CACNA1E: variants seen among roughly 807,000 people sequenced by gnomAD.
CACNA1E encodes voltage-dependent R-type calcium channel subunit alpha-1E.
A neutral mutation model predicts 259.2 loss-of-function variants in CACNA1E; 40 were observed. The observed-to-expected ratio is 0.15, with a 90% CI of 0.12 to 0.20. The LOEUF (loss-of-function observed/expected upper bound fraction) is 0.20, where lower values mean the gene tolerates loss of function less well. Ranked by LOEUF, CACNA1E falls within the 10% of genes least tolerant of loss-of-function variation. CACNA1E has a pLI of 1.00. For synonymous variants in CACNA1E, 1,104 were observed against 1,138.5 expected, an observed-to-expected ratio of 0.97 and a Z score of 0.61; for missense variants, 1,874 against 3,040.1, an observed-to-expected ratio of 0.62 and a Z score of 9.02.
intron 7 of CACNA1E, among the ~76,000 whole-genome samples, chr1:181,671,706 T>A (rs902840277): frequency 6.6e-6 from 1 of 152,182 alleles, no homozygotes; most frequent in Non-Finnish European, 1.5e-5. Context: ...TCTGAAGATG[T>A]GATTTACCAA....
At chr1:181,770,038 G>GA (rs1285931526) in intron 35 of CACNA1E, among the ~76,000 whole-genome samples, 1 of 152,134 alleles carries the variant, frequency 6.6e-6, no homozygotes, top group Non-Finnish European at 1.5e-5. Context: ...TTTGGGTTTT[G>GA]AAAAACAGCA....
At chr1:181,341,642 C>A (rs1426978062) in intron 1 of CACNA1E, among the ~76,000 whole-genome samples, 1 of 152,142 alleles carries the variant, frequency 6.6e-6, no homozygotes, top group Non-Finnish European at 1.5e-5. Context: ...AACATGAAAC[C>A]CTTGGCCTAG....
intron 7 of CACNA1E, among the ~76,000 whole-genome samples, chr1:181,692,167 G>A (rs1040041743): frequency 1.3e-5 from 2 of 152,088 alleles, no homozygotes; most frequent in Non-Finnish European, 1.5e-5. Flanking sequence ...AATCATAGAT[G>A]ACACAAAAAA....
intron 3 of CACNA1E, among the ~76,000 whole-genome samples, chr1:181,561,369 A>G (rs1340351680): frequency 6.6e-6 from 1 of 152,332 alleles, no homozygotes; most frequent in East Asian, 1.9e-4. Context: ...TGACAAATGT[A>G]TATAGTTGGC....
intron 38 of CACNA1E, among the ~76,000 whole-genome samples, chr1:181,779,704 T>TAAAG (rs1660253527): frequency 6.6e-6 from 1 of 152,078 alleles, no homozygotes; most frequent in Admixed American, 6.5e-5. Flanking sequence ...AGCTGTTACA[T>TAAAG]AAAGATAAGG....
At chr1:181,625,446 C>A (rs1656113138) in intron 6 of CACNA1E, among the ~76,000 whole-genome samples, 1 of 152,162 alleles carries the variant, frequency 6.6e-6, no homozygotes, top group Admixed American at 6.5e-5. Context: ...TTATCTTAAT[C>A]TTCTGGAAAC....
At chr1:181,768,358 G>A (rs1003147529) in intron 35 of CACNA1E, among the ~76,000 whole-genome samples, 3 of 152,146 alleles carry the variant, frequency 2.0e-5, no homozygotes, top group Non-Finnish European at 2.9e-5. Context: ...AGCATGTCCA[G>A]GCAAGACATA....
intron 1 of CACNA1E, among the ~76,000 whole-genome samples, chr1:181,401,914 C>T (rs74699296): frequency 6.6e-6 from 1 of 152,228 alleles, no homozygotes; most frequent in East Asian, 1.9e-4. Flanking sequence ...TTAAATACCG[C>T]CTATTTATGT....
intron 44 of CACNA1E, among the ~76,000 whole-genome samples, chr1:181,791,651 G>A (rs1038885215): frequency 6.6e-5 from 10 of 151,660 alleles, no homozygotes; most frequent in African/African-American, 1.2e-4. Flanking sequence ...CCCCCACCCC[G>A]ACCTTAGCTT....
chr1:181,389,591 C>T (rs1656109699), intron 1 of CACNA1E, among the ~76,000 whole-genome samples: 1 of 152,200 alleles, frequency 6.6e-6, no homozygotes, highest in Non-Finnish European at 1.5e-5. Context: ...AGAATAGTGC[C>T]ATAGCAGAAA....
intron 6 of CACNA1E, among the ~76,000 whole-genome samples, chr1:181,631,512 G>C (rs1225864520): frequency 6.6e-6 from 1 of 152,096 alleles, no homozygotes; most frequent in Non-Finnish European, 1.5e-5. Flanking sequence ...GAGCATAGGT[G>C]GTGTTCAGCA....
chr1:181,665,425 T>C (rs895708756), intron 7 of CACNA1E, among the ~76,000 whole-genome samples: 1 of 152,214 alleles, frequency 6.6e-6, no homozygotes, highest in African/African-American at 2.4e-5. Context: ...TTTTAAAATC[T>C]AGTTTTATTT....
At chr1:181,600,064 T>C (rs1653588355) in intron 6 of CACNA1E, among the ~76,000 whole-genome samples, 1 of 152,152 alleles carries the variant, frequency 6.6e-6, no homozygotes, top group Admixed American at 6.5e-5. Context: ...AGGGAGGCAG[T>C]ATGCTTCAGA....
intron 3 of CACNA1E, among the ~76,000 whole-genome samples, chr1:181,577,333 G>C (rs2102966646): frequency 6.6e-6 from 1 of 152,256 alleles, no homozygotes; most frequent in East Asian, 1.9e-4. Context: ...CTTTTTTACT[G>C]CAGTTAATCC....
rs1320343406 is a variant in CACNA1E, at chr1:181,758,039, T to C, written c.4422T>C (p.Phe1474=). Residue 1474 remains phenylalanine (F), a synonymous_variant, in exon 31 of 48, where the codon TTT becomes TTC. Coordinates refer to ENST00000367573, the MANE Select transcript of CACNA1E (RefSeq NM_001205293.3). This position sits in a 1 kb window ranked among gnomAD's most constrained non-coding sequence, Gnocchi z 4.2. Reference sequence around the variant, plus strand: ...CCTTCCAGTACCGCGTGTGGCACTTTGTGGTGTCTCCGTCCTTTGAGTACA... The same window carrying C: ...CCTTCCAGTACCGCGTGTGGCACTTCGTGGTGTCTCCGTCCTTTGAGTACA... ...RHTFQYRVWH[F]VVSPSFEYTI... 6.2e-7 allele frequency: 1 copy of C among 1,613,930 alleles called. No individual in the cohort carries two copies.
chr1:181,447,578 G>A (rs1047916695), intron 2 of CACNA1E, among the ~76,000 whole-genome samples: 11 of 151,182 alleles, frequency 7.3e-5, no homozygotes, highest in Non-Finnish European at 1.2e-4. Flanking sequence ...AGATAGTAAA[G>A]TGTTTTAGTT....
At chr1:181,538,879 G>T (rs766922313) in intron 3 of CACNA1E, among the ~76,000 whole-genome samples, 13 of 152,216 alleles carry the variant, frequency 8.5e-5, no homozygotes, top group Non-Finnish European at 5.9e-5. Context: ...AAAAGATCAT[G>T]CAGAAGATGA....
chr1:181,785,902 C>T, intron 43 of CACNA1E, 83 bp downstream of exon 43: 2 of 807,866 alleles, frequency 2.5e-6, no homozygotes, highest in Non-Finnish European at 4.1e-6. Context: ...ACTCACTGCT[C>T]AGAAGGGCCC....
chr1:181,577,266 A>AT (rs1253412544), intron 3 of CACNA1E, among the ~76,000 whole-genome samples: 3 of 152,260 alleles, frequency 2.0e-5, no homozygotes, highest in African/African-American at 7.2e-5. Flanking sequence ...AGTTGCAAGC[A>AT]TCAGCATAAT....
Sources: gnomAD v4.1 joint callset for allele counts (sites outside exome capture counted in the v4.1 genomes callset) on GRCh38, gnomAD v4.1.1 for gene constraint, Gnocchi (gnomAD v3.1) non-coding constraint, MANE v1.5 for transcripts, NCBI Gene and HGNC (gene_info 2026-07-23, HGNC 2026-07-21) for gene names.